KIAA1217: variants seen among roughly 807,000 people sequenced by gnomAD.
KIAA1217 encodes KIAA1217.
A neutral mutation model predicts 163.9 loss-of-function variants in KIAA1217; 88 were observed. The observed-to-expected ratio is 0.54, with a 90% CI of 0.45 to 0.64. The LOEUF is 0.64. Among genes scored for constraint, KIAA1217 ranks in the 30% least tolerant of loss-of-function variants. The pLI is 0.00. For missense variants in KIAA1217, 2,372 were observed against 2,475.0 expected (o/e 0.96, Z 0.88); for synonymous variants, 903 against 923.1 (o/e 0.98, Z 0.39).
chr10:24,072,854 A>C (rs1318557676), intron 2 of KIAA1217, among the ~76,000 whole-genome samples: 1 of 152,094 alleles, frequency 6.6e-6, no homozygotes, highest in African/African-American at 2.4e-5. Context: ...TGTCAGAAAG[A>C]AGGACTGCAG....
At chr10:23,979,267 A>G (rs527650591) in intron 1 of KIAA1217, among the ~76,000 whole-genome samples, 1 of 152,330 alleles carries the variant, frequency 6.6e-6, no homozygotes, top group South Asian at 2.1e-4. Context: ...TGCAGGTGCA[A>G]ACACAGCGTC....
chr10:24,533,371 C>T, intron 16 of KIAA1217, 134 bp downstream of exon 16: 1 of 842,670 alleles, frequency 1.2e-6, no homozygotes. Context: ...TGTCTTCTGG[C>T]CTTAGCCTTT....
intron 3 of KIAA1217, among the ~76,000 whole-genome samples, chr10:24,410,437 G>A (rs983471384): frequency 2.0e-5 from 3 of 152,324 alleles, no homozygotes; most frequent in South Asian, 2.1e-4. Context: ...AATCTTGACT[G>A]CAGTCCATGT....
chr10:24,232,788 T>G (rs2071596710), intron 2 of KIAA1217, among the ~76,000 whole-genome samples: 1 of 151,936 alleles, frequency 6.6e-6, no homozygotes. Flanking sequence ...TATTTATTTA[T>G]TAGGGATCTA....
At chr10:24,062,722 C>T (rs1176691951) in intron 2 of KIAA1217, among the ~76,000 whole-genome samples, 1 of 151,960 alleles carries the variant, frequency 6.6e-6, no homozygotes, top group Non-Finnish European at 1.5e-5. Flanking sequence ...ACACTGACTT[C>T]CACAATGGTT....
intron 2 of KIAA1217, among the ~76,000 whole-genome samples, chr10:24,260,289 G>T (rs2075592044): frequency 6.6e-6 from 1 of 152,048 alleles, no homozygotes; most frequent in African/African-American, 2.4e-5. Context: ...TTTAATGTGT[G>T]TTCCTAAAAA....
At chr10:24,066,640 G>T (rs552590123) in intron 2 of KIAA1217, among the ~76,000 whole-genome samples, 1 of 152,100 alleles carries the variant, frequency 6.6e-6, no homozygotes, top group South Asian at 2.1e-4. Context: ...CTCTTCTCGA[G>T]GAGTATCTTT....
At chr10:24,009,820 G>T (rs1029290047) in intron 2 of KIAA1217, among the ~76,000 whole-genome samples, 5 of 152,126 alleles carry the variant, frequency 3.3e-5, no homozygotes, top group African/African-American at 1.2e-4. Flanking sequence ...TGCAGGAGTT[G>T]TTGGAACTCT....
chr10:24,433,062 A>G lies in KIAA1217; in HGVS notation c.621A>G (p.Ala207=). The G allele has an allele frequency of 1.2e-6, 2 of 1,614,174 alleles. No individual in the cohort carries two copies. Among genetic ancestry groups the G allele is most frequent in the African/African-American group, 1.3e-5 (1 of 75,050 alleles). Residue 207 remains alanine (A), a synonymous_variant, in exon 4 of 21, where the codon GCA becomes GCG. Transcript: ENST00000376454. ...GGATGCCGAATGAAATCACAAGTGC[A>G]GACACAATCCGTGCTCTCTTCGTAA... is the stretch of plus-strand genomic sequence containing the variant. ...QLRMPNEITS[A]DTIRALFVSA...
chr10:24,142,047 T>G (rs1047195212), intron 2 of KIAA1217, among the ~76,000 whole-genome samples: 8 of 151,082 alleles, frequency 5.3e-5, no homozygotes, highest in Non-Finnish European at 1.2e-4. Context: ...TAATCAATAT[T>G]TTTAAATGTT....
chr10:23,991,074 T>A (rs75155345), intron 1 of KIAA1217, among the ~76,000 whole-genome samples: 7 of 152,186 alleles, frequency 4.6e-5, no homozygotes, highest in Non-Finnish European at 8.8e-5. Flanking sequence ...CCTTTCTGCT[T>A]AAATGACATT....
intron 1 of KIAA1217, among the ~76,000 whole-genome samples, chr10:23,824,586 C>G (rs1360531156): frequency 4.7e-5 from 6 of 127,622 alleles, no homozygotes; most frequent in Non-Finnish European, 7.9e-5. Flanking sequence ...TGAGATGGCG[C>G]CATTGCACTC....
At chr10:24,294,844 A>T (rs2040400518) in intron 2 of KIAA1217, among the ~76,000 whole-genome samples, 1 of 152,250 alleles carries the variant, frequency 6.6e-6, no homozygotes. Context: ...GTCACTGTCC[A>T]CATTGCCAGG....
intron 3 of KIAA1217, among the ~76,000 whole-genome samples, chr10:24,382,185 A>G (rs2053408640): frequency 6.6e-6 from 1 of 151,974 alleles, no homozygotes; most frequent in Non-Finnish European, 1.5e-5. Flanking sequence ...TGATTTGGGT[A>G]CTTGTGTTTG....
chr10:24,400,998 C>CACACAG (rs1428950688), intron 3 of KIAA1217, among the ~76,000 whole-genome samples: 6 of 151,348 alleles, frequency 4.0e-5, no homozygotes, highest in Admixed American at 2.0e-4. Flanking sequence ...CACACACACA[C>CACACAG]AGGCCCACTT....
upstream of KIAA1217, among the ~76,000 whole-genome samples, chr10:24,207,282 TCA>T (rs71397934): frequency 0.29 from 40,530 of 139,912 alleles, 6,523 homozygotes; most frequent in Middle Eastern, 0.43. Context: ...TCTCTCTCTC[TCA>T]CACACACACA....
chr10:24,449,641 A>G, intron 5 of KIAA1217: 2 of 985,438 alleles, frequency 2.0e-6, no homozygotes, highest in Non-Finnish European at 2.4e-6. Context: ...AAAAAACCCA[A>G]GGCTTGCATT....
intron 2 of KIAA1217, among the ~76,000 whole-genome samples, chr10:24,311,814 G>T (rs772037586): frequency 6.6e-6 from 1 of 152,116 alleles, no homozygotes; most frequent in African/African-American, 2.4e-5. Flanking sequence ...AAGAAGTGCC[G>T]TTAGAATAGG....
chr10:24,289,683 A>C (rs1399052942), intron 2 of KIAA1217, among the ~76,000 whole-genome samples: 2 of 152,070 alleles, frequency 1.3e-5, no homozygotes, highest in African/African-American at 4.8e-5. Flanking sequence ...GGAGAGGGGA[A>C]TGTTGAGAAG....
Sources: allele counts gnomAD v4.1 joint callset (sites outside exome capture counted in the v4.1 genomes callset), GRCh38; gene constraint gnomAD v4.1.1; transcripts MANE v1.5; gene names NCBI Gene and HGNC (gene_info 2026-07-23, HGNC 2026-07-21).